The following CDIP1 variants were observed in gnomAD, a reference collection of about 807,000 sequenced individuals.
CDIP1 encodes the protein cell death-inducing p53-target protein 1.
Under a neutral mutation model 17.7 loss-of-function variants are expected in CDIP1, and 9 were observed. The ratio of observed to expected loss-of-function variants is 0.51; its 90% CI spans 0.31 to 0.89. The LOEUF (loss-of-function observed/expected upper bound fraction) is 0.89. Ranked by LOEUF, CDIP1 falls within the 40% of genes least tolerant of loss-of-function variation. CDIP1 has a pLI of 0.05. For missense variants in CDIP1, 263 were observed against 277.9 expected (o/e 0.95, Z 0.38); for synonymous variants, 117 against 109.5 (o/e 1.07, Z -0.43).
chr16:4,531,755 A>G (rs904466268), intron 1 of CDIP1, among the ~76,000 whole-genome samples: 8 of 152,208 alleles, frequency 5.3e-5, no homozygotes, highest in African/African-American at 1.9e-4. Flanking sequence ...CTTTTCTCAC[A>G]CATTCTCCAG....
At chr16:4,530,321 A>G (rs1449147333) in intron 1 of CDIP1, among the ~76,000 whole-genome samples, 1 of 152,250 alleles carries the variant, frequency 6.6e-6, no homozygotes, top group Non-Finnish European at 1.5e-5. Flanking sequence ...TGGGTGTGAA[A>G]CAAACTGAAT....
chr16:4,514,067 T>C lies in CDIP1; in HGVS notation c.64A>G (p.Ser22Gly). ...GPTAPLLEEK[S>G]GAPPTPGRSS... Reference sequence around the variant, plus strand: ...CTACCTGGGGTGGGCGGGGCTCCACTTTTCTCTTCCAGAAGTGGGGCTGTG... The same window carrying C: ...CTACCTGGGGTGGGCGGGGCTCCACCTTTCTCTTCCAGAAGTGGGGCTGTG... Residue 22 changes from serine to glycine, a missense_variant, in exon 3 of 6, where the codon AGT (serine) becomes GGT (glycine). Coordinates refer to ENST00000567695, the MANE Select transcript of CDIP1 (RefSeq NM_013399.3). This position sits in a 1 kb window ranked among gnomAD's most constrained non-coding sequence, Gnocchi z 5.2. 1 of 1,528,800 alleles carries C rather than the reference T, an allele frequency of 6.5e-7. No individual in the cohort carries two copies. The highest frequency in any genetic ancestry group is 1.3e-5 in the South Asian group (1 of 78,516). 94.7% of individuals were successfully genotyped at this position (1,528,800 alleles called of 1,614,324 possible). A position where few individuals can be genotyped will look rare whatever the true frequency, so the allele number is the denominator to read the frequency against.
At chr16:4,533,700 C>G (rs2059077896) in intron 1 of CDIP1, 1 of 151,876 alleles carries the variant, frequency 6.6e-6, no homozygotes, top group African/African-American at 2.4e-5. Context: ...TATCTCATCC[C>G]CCCACCCTTC....
chr16:4,536,221 A>T (rs3747600), intron 1 of CDIP1, among the ~76,000 whole-genome samples: 1 of 152,058 alleles, frequency 6.6e-6, no homozygotes. Flanking sequence ...AGTGGAGACA[A>T]ATTTTCACAG....
intron 1 of CDIP1, chr16:4,533,172 A>T (rs1205832576): frequency 6.6e-6 from 1 of 152,310 alleles, no homozygotes; most frequent in East Asian, 1.9e-4. Context: ...CCTCTGTGAC[A>T]GCAGGTGCTC....
chr16:4,521,160 G>C (rs1293366092), intron 1 of CDIP1, among the ~76,000 whole-genome samples: 1 of 152,080 alleles, frequency 6.6e-6, no homozygotes. Context: ...AGCACAGTGT[G>C]GTGCCAGTCT....
intron 1 of CDIP1, among the ~76,000 whole-genome samples, chr16:4,519,731 ACT>A (rs1293815841): frequency 2.0e-5 from 3 of 151,660 alleles, no homozygotes; most frequent in Admixed American, 1.3e-4. Context: ...GTGACTTCTC[ACT>A]CTGTTAGTCC....
At chr16:4,519,880 AAGC>A (rs1344406195) in intron 1 of CDIP1, among the ~76,000 whole-genome samples, 1 of 152,050 alleles carries the variant, frequency 6.6e-6, no homozygotes, top group African/African-American at 2.4e-5. Flanking sequence ...CCCTCAACAG[AAGC>A]AGATGTTGGC....
intron 1 of CDIP1, among the ~76,000 whole-genome samples, chr16:4,520,712 A>G (rs142232316): frequency 1.6e-4 from 24 of 152,354 alleles, no homozygotes; most frequent in Non-Finnish European, 3.4e-4. Flanking sequence ...GAAAGCTTGA[A>G]TTTCATCACT....
At chr16:4,527,564 C>T (rs975441751) in intron 1 of CDIP1, among the ~76,000 whole-genome samples, 1 of 152,194 alleles carries the variant, frequency 6.6e-6, no homozygotes, top group East Asian at 1.9e-4. Context: ...GGTGACACTC[C>T]GTCCACAGCA....
intron 1 of CDIP1, among the ~76,000 whole-genome samples, chr16:4,519,108 C>CT (rs2058918122): frequency 6.6e-6 from 1 of 152,164 alleles, no homozygotes; most frequent in Non-Finnish European, 1.5e-5. Flanking sequence ...CAATCACAAA[C>CT]TTAATAGTAA....
chr16:4,524,067 T>C (rs2058976713), intron 1 of CDIP1: 1 of 152,224 alleles, frequency 6.6e-6, no homozygotes, highest in East Asian at 1.9e-4. Context: ...CAATAGAATA[T>C]TGGGAGAGCA....
intron 1 of CDIP1, among the ~76,000 whole-genome samples, chr16:4,530,234 T>C (rs954116460): frequency 6.6e-6 from 1 of 152,242 alleles, no homozygotes; most frequent in South Asian, 2.1e-4. Flanking sequence ...CAACAGTATA[T>C]AGCATATGGA....
At chr16:4,521,700 T>TAAAA (rs111828421) in intron 1 of CDIP1, among the ~76,000 whole-genome samples, 1 of 90,582 alleles carries the variant, frequency 1.1e-5, no homozygotes, top group Non-Finnish European at 2.2e-5. Flanking sequence ...TCATCAATAT[T>TAAAA]AAAAAAAAAA....
At chr16:4,515,672 G>A (rs556183179) in intron 1 of CDIP1, among the ~76,000 whole-genome samples, 37 of 152,242 alleles carry the variant, frequency 2.4e-4, no homozygotes, top group South Asian at 2.1e-3. Flanking sequence ...ACTACTGAGC[G>A]TCTTTTCATA....
At chr16:4,527,132 G>A (rs1448358479) in intron 1 of CDIP1, among the ~76,000 whole-genome samples, 1 of 151,176 alleles carries the variant, frequency 6.6e-6, no homozygotes, top group Non-Finnish European at 1.5e-5. Context: ...CTGTCGCCCA[G>A]GCTGGAGTGC....
chr16:4,518,024 G>A (rs151055881), intron 1 of CDIP1, among the ~76,000 whole-genome samples: 86 of 152,342 alleles, frequency 5.6e-4, no homozygotes, highest in African/African-American at 2.0e-3. Context: ...ACTGTGGTCT[G>A]CAGTGGTCTT....
chr16:4,516,641 A>C (rs908997227), intron 1 of CDIP1, among the ~76,000 whole-genome samples: 1 of 150,872 alleles, frequency 6.6e-6, no homozygotes, highest in African/African-American at 2.4e-5. Flanking sequence ...GGCAGGAGCA[A>C]CTGCGCCCAG....
chr16:4,515,711 G>A (rs1167740395), intron 1 of CDIP1, among the ~76,000 whole-genome samples: 1 of 152,220 alleles, frequency 6.6e-6, no homozygotes, highest in African/African-American at 2.4e-5. Flanking sequence ...ACCACAAGGA[G>A]ACCATTTCCT....
Sources: gnomAD v4.1 joint callset for allele counts (sites outside exome capture counted in the v4.1 genomes callset) on GRCh38, gnomAD v4.1.1 for gene constraint, Gnocchi (gnomAD v3.1) non-coding constraint, MANE v1.5 for transcripts, NCBI Gene and HGNC (gene_info 2026-07-23, HGNC 2026-07-21) for gene names.